MYRIP: variants seen among roughly 807,000 people sequenced by gnomAD.
MYRIP encodes the protein rab effector MyRIP.
MYRIP carries 49 observed loss-of-function variants against 98.0 expected under a neutral mutation model. That is an observed-to-expected ratio of 0.50 (90% CI 0.40 to 0.63). The LOEUF (loss-of-function observed/expected upper bound fraction) is 0.63. Ranked by LOEUF, MYRIP falls within the 30% of genes least tolerant of loss-of-function variation. MYRIP has a pLI of 0.00. For missense variants in MYRIP, 1,004 were observed against 1,058.2 expected (o/e 0.95, Z 0.71); for synonymous variants, 404 against 409.5 (o/e 0.99, Z 0.16).
chr3:39,835,357 G>T (rs984659766), intron 1 of MYRIP, among the ~76,000 whole-genome samples: 1 of 152,092 alleles, frequency 6.6e-6, no homozygotes, highest in African/African-American at 2.4e-5. Context: ...AATTGCTGGG[G>T]GCGGGGGGTG....
Position 39,839,489 on chromosome 3 carries a change from C to A in MYRIP, c.-31+29573C>A, listed in dbSNP as rs567978457. ...GCCAGACTGGTCTCAAACTCCTGAC[C>A]TCACGTGATCTGCCCACCTTGGCCT... On this transcript the variant is annotated intron_variant, in intron 1 of 16. Coordinates refer to ENST00000302541, the MANE Select transcript of MYRIP (RefSeq NM_015460.4). Among the ~76,000 whole-genome samples, 5 of 152,284 alleles carry A rather than the reference C, an allele frequency of 3.3e-5. No homozygotes were observed. In the East Asian group the frequency reaches 7.7e-4, roughly 23 times the overall value.
chr3:40,073,560 G>A (rs933084422), intron 3 of MYRIP, among the ~76,000 whole-genome samples: 1 of 152,190 alleles, frequency 6.6e-6, no homozygotes, highest in Non-Finnish European at 1.5e-5. Flanking sequence ...ACCTAATGAC[G>A]GTGTTGCTCA....
At chr3:39,827,206 G>T (rs1222067008) in intron 1 of MYRIP, among the ~76,000 whole-genome samples, 2 of 152,122 alleles carry the variant, frequency 1.3e-5, no homozygotes, top group Non-Finnish European at 2.9e-5. Flanking sequence ...TCAAACTCCT[G>T]AACTCAAATG....
At chr3:40,210,184 T>C (rs1951885398) in intron 11 of MYRIP, 91 bp downstream of exon 11, 1 of 1,463,424 alleles carries the variant, frequency 6.8e-7, no homozygotes, top group Non-Finnish European at 9.1e-7. Context: ...AGCTGCTGGG[T>C]CCCCAAAGAG....
chr3:40,153,863 C>T (rs1355901189), intron 4 of MYRIP, among the ~76,000 whole-genome samples: 2 of 152,208 alleles, frequency 1.3e-5, no homozygotes, highest in South Asian at 4.1e-4. Context: ...CAATTCAGGC[C>T]GGGCACAGTG....
chr3:39,900,088 C>G (rs141672170), intron 1 of MYRIP, among the ~76,000 whole-genome samples: 1 of 152,080 alleles, frequency 6.6e-6, no homozygotes, highest in South Asian at 2.1e-4. Flanking sequence ...CCCAAAGTGC[C>G]GGGATTACAG....
At chr3:39,999,589 A>G (rs549692583) in intron 2 of MYRIP, among the ~76,000 whole-genome samples, 91 of 148,892 alleles carry the variant, frequency 6.1e-4, no homozygotes, top group Non-Finnish European at 1.1e-3. Flanking sequence ...ACTGTAAACT[A>G]GTTTCAACCA....
At chr3:40,051,036 A>C (rs973540101) in intron 3 of MYRIP, among the ~76,000 whole-genome samples, 49 of 152,296 alleles carry the variant, frequency 3.2e-4, no homozygotes, top group African/African-American at 1.2e-3. Flanking sequence ...GATACTATGA[A>C]CATTGTTGAA....
intron 2 of MYRIP, among the ~76,000 whole-genome samples, chr3:39,983,585 C>G (rs1461698065): frequency 6.6e-6 from 1 of 152,094 alleles, no homozygotes; most frequent in Non-Finnish European, 1.5e-5. Context: ...GCCACTGGAT[C>G]CCAGGGGAGG....
chr3:40,111,321 C>G (rs1483720175), intron 3 of MYRIP, among the ~76,000 whole-genome samples: 2 of 152,158 alleles, frequency 1.3e-5, no homozygotes, highest in African/African-American at 2.4e-5. Flanking sequence ...AATCCCATCT[C>G]TTGATCAGCT....
At position 40,212,236 on chromosome 3, in the gene MYRIP, A is replaced by G. The variant is rs1175031475; in HGVS notation, c.1905+2143A>G. On this transcript the variant is annotated intron_variant, in intron 11 of 16. Coordinates refer to ENST00000302541, the MANE Select transcript of MYRIP (RefSeq NM_015460.4). ...TGTATATATATATATACACACACAC[A>G]CACACACACATATATATATATACAC... Among the ~76,000 whole-genome samples, 21 of 84,152 alleles carry G rather than the reference A, an allele frequency of 2.5e-4. 5 individuals are homozygous for G. The highest frequency in any genetic ancestry group is 5.6e-4 in the Admixed American group (4 of 7,082). The allele number at this position is 84,152 out of a possible 152,430, so 55.2% of individuals were successfully genotyped here. A position where few individuals can be genotyped will look rare whatever the true frequency, so the allele number is the denominator to read the frequency against.
intron 2 of MYRIP, among the ~76,000 whole-genome samples, chr3:39,971,376 G>A (rs1317099847): frequency 2.0e-5 from 3 of 152,010 alleles, no homozygotes; most frequent in African/African-American, 7.2e-5. Context: ...TGTCAAAAAG[G>A]TGTATTGGGG....
chr3:39,891,847 G>A (rs2125660264), intron 1 of MYRIP, among the ~76,000 whole-genome samples: 1 of 151,818 alleles, frequency 6.6e-6, no homozygotes, highest in South Asian at 2.1e-4. Context: ...TTATTTTGTA[G>A]AGATTCTTTT....
At chr3:39,963,063 T>C (rs936052127) in intron 2 of MYRIP, among the ~76,000 whole-genome samples, 1 of 152,130 alleles carries the variant, frequency 6.6e-6, no homozygotes, top group Non-Finnish European at 1.5e-5. Flanking sequence ...ATCATCTAGA[T>C]GTTATAGAAA....
intron 1 of MYRIP, among the ~76,000 whole-genome samples, chr3:39,865,688 G>T (rs991611250): frequency 6.6e-6 from 1 of 152,168 alleles, no homozygotes; most frequent in Non-Finnish European, 1.5e-5. Context: ...TGCTGGTCAG[G>T]TTGCAGAGCA....
At chr3:39,896,866 T>G (rs751469490) in intron 1 of MYRIP, among the ~76,000 whole-genome samples, 1 of 152,180 alleles carries the variant, frequency 6.6e-6, no homozygotes, top group Admixed American at 6.5e-5. Flanking sequence ...TTTTGTTTTT[T>G]TTTTCATTTG....
At chr3:39,950,733 C>A (rs1029883473) in intron 2 of MYRIP, among the ~76,000 whole-genome samples, 1 of 152,192 alleles carries the variant, frequency 6.6e-6, no homozygotes, top group African/African-American at 2.4e-5. Context: ...GGCTGATAGA[C>A]TCCAGCTTGA....
intron 1 of MYRIP, among the ~76,000 whole-genome samples, chr3:39,828,483 T>G (rs1357386517): frequency 7.2e-5 from 11 of 151,888 alleles, no homozygotes; most frequent in Admixed American, 5.2e-4. Flanking sequence ...ATATATAATA[T>G]CTTTTATTTT....
intron 2 of MYRIP, among the ~76,000 whole-genome samples, chr3:40,017,238 C>T (rs1361383854): frequency 4.6e-5 from 7 of 152,214 alleles, no homozygotes; most frequent in Admixed American, 6.5e-5. Flanking sequence ...AAACAAGGCA[C>T]CTTTCCCAGT....
Sources: gnomAD v4.1 joint callset for allele counts (sites outside exome capture counted in the v4.1 genomes callset) on GRCh38, gnomAD v4.1.1 for gene constraint, MANE v1.5 for transcripts, NCBI Gene and HGNC (gene_info 2026-07-23, HGNC 2026-07-21) for gene names.